The following TDRD9 variants were observed in gnomAD, a reference collection of about 807,000 sequenced individuals.
TDRD9 encodes ATP-dependent RNA helicase TDRD9.
In TDRD9, 124 loss-of-function variants were observed where a neutral mutation model predicts 172.6. The ratio of observed to expected loss-of-function variants is 0.72; its 90% CI spans 0.62 to 0.83. The LOEUF (loss-of-function observed/expected upper bound fraction) is 0.83. Ranked by LOEUF, TDRD9 falls within the 40% of genes least tolerant of loss-of-function variation. TDRD9 has a pLI of 0.00. For synonymous variants in TDRD9, 619 were observed against 617.1 expected (o/e 1.00, Z -0.05); for missense variants, 1,479 against 1,714.1 (o/e 0.86, Z 2.42).
chr14:104,031,344 C>A, intron 29 of TDRD9, 81 bp downstream of exon 29: 1 of 1,278,498 alleles, frequency 7.8e-7, no homozygotes, highest in Non-Finnish European at 1.1e-6. Flanking sequence ...AGTCAGTAGT[C>A]ATGGTGGTTT....
chr14:104,006,809 C>T lies in TDRD9; in HGVS notation c.1971C>T (p.Ser657=), dbSNP rs147878834. ...ACAAAGTGAATTTCTCTGGCAGTAG[C>T]AAGAGTGACTGTATTGCACTTGTTG... ...YRNKVNFSGS[S]KSDCIALVEA... Residue 657 remains serine (S), a synonymous_variant, in exon 18 of 36, where the codon AGC becomes AGT. Transcript: ENST00000409874. 5 of 1,613,494 alleles carry T rather than the reference C, an allele frequency of 3.1e-6. No individual in the cohort carries two copies. Among genetic ancestry groups the T allele is most frequent in the Non-Finnish European group, 4.2e-6 (5 of 1,179,654 alleles).
At position 104,022,216 on chromosome 14, in the gene TDRD9, A is replaced by G; in HGVS notation, c.2492A>G (p.Tyr831Cys). 2 of 1,594,568 alleles carry G rather than the reference A, an allele frequency of 1.3e-6. No individual in the cohort carries two copies. Among genetic ancestry groups the G allele is most frequent in the South Asian group, 2.3e-5 (2 of 87,664 alleles). The part of the protein sequence containing the change: ...TERFKTLPAV[Y>C]MAIKMSQLKV... ...AGATTTAAAACCCTTCCTGCAGTAT[A>G]TATGGCAATTAAGATGTCTCAACTA... is the stretch of plus-strand genomic sequence containing the variant. Residue 831 changes from tyrosine to cysteine, a missense_variant, in exon 24 of 36, where the codon TAT (tyrosine) becomes TGT (cysteine). Physicochemically the swap from Tyr to Cys is radical, Grantham distance 194. Coordinates refer to ENST00000409874, the MANE Select transcript of TDRD9 (RefSeq NM_153046.3).
At chr14:103,943,496 T>TAC (rs956378589) in intron 1 of TDRD9, among the ~76,000 whole-genome samples, 4 of 150,256 alleles carry the variant, frequency 2.7e-5, no homozygotes, top group African/African-American at 4.9e-5. Context: ...CACACATATA[T>TAC]ACACACACAC....
chr14:104,026,443 T>A (rs2035121063), intron 27 of TDRD9, among the ~76,000 whole-genome samples: 1 of 152,244 alleles, frequency 6.6e-6, no homozygotes, highest in South Asian at 2.1e-4. Flanking sequence ...TAGTCACACA[T>A]GCCCTTACCA....
At chr14:103,932,936 TA>T (rs1208191120) in intron 1 of TDRD9, among the ~76,000 whole-genome samples, 1 of 151,974 alleles carries the variant, frequency 6.6e-6, no homozygotes, top group Non-Finnish European at 1.5e-5. Context: ...GACTACATCA[TA>T]GGTAGTTCAG....
At chr14:103,993,229 G>A (rs2033939520) in intron 9 of TDRD9, among the ~76,000 whole-genome samples, 2 of 151,986 alleles carry the variant, frequency 1.3e-5, no homozygotes, top group Non-Finnish European at 2.9e-5. Context: ...TCTCCATGAA[G>A]TGATCCACCT....
At chr14:103,942,448 G>A (rs997745169) in intron 1 of TDRD9, 1 of 152,178 alleles carries the variant, frequency 6.6e-6, no homozygotes, top group African/African-American at 2.4e-5. Flanking sequence ...GGTCCTAAAT[G>A]CATTCCGACA....
intron 2 of TDRD9, among the ~76,000 whole-genome samples, chr14:103,957,571 CCAGTGAA>C (rs1301849263): frequency 6.6e-6 from 1 of 152,216 alleles, no homozygotes; most frequent in Non-Finnish European, 1.5e-5. Context: ...CTCCTATATG[CCAGTGAA>C]CAGAGGATTG....
In TDRD9 at chr14:104,046,993, C is replaced by T. The variant is rs554378621; in HGVS notation, c.3975-2615C>T. Among the ~76,000 whole-genome samples, 4 of 152,248 alleles carry T rather than the reference C, an allele frequency of 2.6e-5. No individual in the cohort carries two copies. In the South Asian group the frequency reaches 8.3e-4, roughly 32 times the overall value. ...TACTCTTTTATATTCTTTTCCTTTC[C>T]ATGCAAATTTTTGGATCAGCTTGTC... On this transcript the variant is annotated intron_variant, in intron 34 of 35. Transcript: ENST00000409874.
intron 14 of TDRD9, 54 bp from the exon 15 acceptor site, chr14:104,005,220 G>T: frequency 8.8e-6 from 14 of 1,592,482 alleles, no homozygotes; most frequent in Non-Finnish European, 1.2e-5. Flanking sequence ...ATGTGAATCG[G>T]CTAACTGATT....
At position 103,977,897 on chromosome 14, in the gene TDRD9, G is replaced by A. The variant is rs542887776; in HGVS notation, c.1011+2344G>A. On this transcript the variant is annotated intron_variant, in intron 7 of 35. Transcript: ENST00000409874. ...ATTTTTCTGCATCTGGATATCCAGT[G>A]TTCCCAGCACCATTTATTGAAGAGA... is the stretch of plus-strand genomic sequence containing the variant. Among the ~76,000 whole-genome samples the A allele has an allele frequency of 5.3e-5, 8 of 152,280 alleles. No homozygotes were observed. The South Asian group carries it at 1.7e-3, about 32-fold the overall frequency.
At chr14:103,941,773 A>G (rs906869683) in intron 1 of TDRD9, 4 of 1,213,514 alleles carry the variant, frequency 3.3e-6, no homozygotes, top group African/African-American at 3.1e-5. Context: ...TTGTTTCTTT[A>G]CAATAAATTT....
At chr14:103,934,219 C>T (rs1036142441) in intron 1 of TDRD9, among the ~76,000 whole-genome samples, 2 of 152,134 alleles carry the variant, frequency 1.3e-5, no homozygotes, top group Non-Finnish European at 2.9e-5. Context: ...CACTATGTTG[C>T]CTATGCTGGT....
Position 104,026,803 on chromosome 14 carries a change from A to AG in TDRD9, c.3148dup (p.Val1050GlyfsTer49), listed in dbSNP as rs748634340. The stretch of plus-strand genomic sequence containing the variant: ...GTGAGCGGCTGCACCCTCCTTGTGA[A>AG]GGTCTTCTCTGTGGTGCACAGCGTC... On this transcript the variant is annotated frameshift_variant, in exon 28 of 36. Transcript: ENST00000409874. LOFTEE classifies it high-confidence loss of function. 36 of 1,613,848 alleles carry AG rather than the reference A, an allele frequency of 2.2e-5. No individual in the cohort carries two copies. The highest frequency in any genetic ancestry group is 2.9e-5 in the Non-Finnish European group (34 of 1,179,878).
chr14:103,932,122 A>T (rs2030429991), intron 1 of TDRD9, among the ~76,000 whole-genome samples: 1 of 152,178 alleles, frequency 6.6e-6, no homozygotes, highest in African/African-American at 2.4e-5. Flanking sequence ...TAAGCAGGGG[A>T]TCCAGTTGAG....
Position 104,004,310 on chromosome 14 carries a change from C to T in TDRD9, c.1556C>T (p.Pro519Leu), listed in dbSNP as rs1339964233. The change falls in exon 14 of 36, where the codon CCT (proline) becomes CTT (leucine). Residue 519 changes from proline (P) to leucine (L), a missense_variant. By Grantham distance (98) the Pro-to-Leu change is moderately conservative. Transcript: ENST00000409874. Reference sequence around the variant, plus strand: ...AAGGATTTCTGGGACAACTCCATCCCTGATCATGTTGTTCCTGAGATGTTG... The same window carrying T: ...AAGGATTTCTGGGACAACTCCATCCTTGATCATGTTGTTCCTGAGATGTTG... The part of the protein sequence containing the change: ...VHKDFWDNSI[P>L]DHVVPEMLRC... 5.0e-6 allele frequency: 8 copies of T among 1,596,344 alleles called. No individual in the cohort carries two copies. In the African/African-American group the frequency reaches 1.1e-4, roughly 21 times the overall value.
intron 28 of TDRD9, among the ~76,000 whole-genome samples, chr14:104,029,831 G>A (rs1246016338): frequency 6.6e-6 from 1 of 152,050 alleles, no homozygotes; most frequent in Non-Finnish European, 1.5e-5. Flanking sequence ...GGCCTTTCTT[G>A]CGTTGAGATA....
At chr14:103,929,675 A>G (rs960741316) in intron 1 of TDRD9, among the ~76,000 whole-genome samples, 6 of 152,040 alleles carry the variant, frequency 3.9e-5, no homozygotes, top group African/African-American at 1.4e-4. Context: ...ATATGCCACC[A>G]CGCCTGGCTA....
chr14:103,991,072 G>T (rs117310359), intron 8 of TDRD9, 88 bp from the exon 9 acceptor site: 2 of 1,498,064 alleles, frequency 1.3e-6, no homozygotes, highest in Non-Finnish European at 1.8e-6. Context: ...AGCCTTTCAG[G>T]ATTAAAAGCC....
Sources: gnomAD v4.1 joint callset for allele counts (sites outside exome capture counted in the v4.1 genomes callset) on GRCh38, gnomAD v4.1.1 for gene constraint, MANE v1.5 for transcripts, NCBI Gene and HGNC (gene_info 2026-07-23, HGNC 2026-07-21) for gene names.